Variants in DIS3L2 observed in about 807,000 individuals in gnomAD.
The protein encoded by DIS3L2 is DIS3 like 3'-5' exoribonuclease 2, also known as DIS3-like exonuclease 2.
A neutral mutation model predicts 97.5 loss-of-function variants in DIS3L2; 34 were observed. The ratio of observed to expected loss-of-function variants is 0.35; its 90% CI spans 0.27 to 0.46. DIS3L2 has a LOEUF of 0.46. Among genes scored for constraint, DIS3L2 ranks in the 20% least tolerant of loss-of-function variants. The pLI is 1.00. For synonymous variants in DIS3L2, 435 were observed against 445.2 expected (o/e 0.98, Z 0.29); for missense variants, 1,038 against 1,146.0 (o/e 0.91, Z 1.36).
chr2:232,259,390 T>C (rs1693658272), intron 12 of DIS3L2, among the ~76,000 whole-genome samples: 1 of 152,084 alleles, frequency 6.6e-6, no homozygotes, highest in South Asian at 2.1e-4. Context: ...GCTGCTGCTT[T>C]GGGCAAGTCT....
chr2:231,979,758 A>G (rs2106176390), intron 1 of DIS3L2, among the ~76,000 whole-genome samples: 1 of 151,822 alleles, frequency 6.6e-6, no homozygotes, highest in Admixed American at 6.6e-5. Context: ...TTGTATTTTT[A>G]GAAGAGATGG....
At chr2:231,968,132 C>G (rs1326273233) in intron 1 of DIS3L2, among the ~76,000 whole-genome samples, 1 of 146,492 alleles carries the variant, frequency 6.8e-6, no homozygotes, top group East Asian at 2.0e-4. Context: ...GAGTCTTGCT[C>G]TGTCACCCAG....
At chr2:232,040,401 G>A (rs1318594753) in intron 5 of DIS3L2, among the ~76,000 whole-genome samples, 1 of 152,112 alleles carries the variant, frequency 6.6e-6, no homozygotes, top group Non-Finnish European at 1.5e-5. Context: ...GGGGACCATG[G>A]CACCCTTTTA....
intron 7 of DIS3L2, 26 bp downstream of exon 7, chr2:232,130,745 G>C (rs776559573): frequency 3.1e-6 from 5 of 1,611,906 alleles, no homozygotes; most frequent in Non-Finnish European, 4.2e-6. Context: ...TTTTCTCCAC[G>C]TGTCCAAATG....
intron 13 of DIS3L2, among the ~76,000 whole-genome samples, chr2:232,298,340 C>A (rs1294992696): frequency 6.6e-6 from 1 of 152,126 alleles, no homozygotes; most frequent in Admixed American, 6.5e-5. Context: ...AATTTCTAAG[C>A]AATGCAGACT....
Position 232,200,348 on chromosome 2 carries a change from A to G in DIS3L2, c.1125-9978A>G, listed in dbSNP as rs372738134. On this transcript the variant is annotated intron_variant, in intron 9 of 20. Coordinates refer to ENST00000325385, the MANE Select transcript of DIS3L2 (RefSeq NM_152383.5). ...TGCTAGCTGAAAGGGCCTGGAGGCA[A>G]TGAGCATATCTTATGCCCCATCCTG... Among the ~76,000 whole-genome samples, 44 of 152,302 alleles carry G rather than the reference A, an allele frequency of 2.9e-4. 1 individual carries two copies. In the South Asian group the frequency reaches 8.5e-3, roughly 29 times the overall value.
chr2:232,212,644 G>A (rs1318817320), intron 10 of DIS3L2, among the ~76,000 whole-genome samples: 1 of 152,182 alleles, frequency 6.6e-6, no homozygotes, highest in Non-Finnish European at 1.5e-5. Flanking sequence ...CAATGGAAAG[G>A]CAAGCAGATG....
intron 13 of DIS3L2, among the ~76,000 whole-genome samples, chr2:232,267,057 T>G (rs1246140980): frequency 6.6e-6 from 1 of 152,168 alleles, no homozygotes; most frequent in Admixed American, 6.5e-5. Context: ...GCCTCAGAAC[T>G]GTAGAGCAAC....
intron 1 of DIS3L2, among the ~76,000 whole-genome samples, chr2:231,984,171 C>T (rs1693343006): frequency 1.3e-5 from 2 of 151,944 alleles, no homozygotes; most frequent in Admixed American, 6.5e-5. Flanking sequence ...TAACAAATAG[C>T]AGGCTTTTCC....
intron 5 of DIS3L2, among the ~76,000 whole-genome samples, chr2:232,078,387 C>CT (rs1246034728): frequency 6.6e-6 from 1 of 151,996 alleles, no homozygotes; most frequent in East Asian, 1.9e-4. Context: ...TTCCCCCCCG[C>CT]CCCGCTCCCC....
chr2:232,074,410 CAGA>C (rs2106290642), intron 5 of DIS3L2, among the ~76,000 whole-genome samples: 1 of 152,042 alleles, frequency 6.6e-6, no homozygotes, highest in African/African-American at 2.4e-5. Context: ...TCATTCTCTT[CAGA>C]AGAAGAGAAA....
chr2:232,336,510 A>AGAGT lies in DIS3L2; in HGVS notation c.2539_2542dup (p.Ser848Ter). 1 of 1,611,368 alleles carries AGAGT rather than the reference A, an allele frequency of 6.2e-7. No homozygotes were observed. The highest frequency in any genetic ancestry group is 1.1e-5 in the South Asian group (1 of 90,982). ...GCCTGGTGGAGGTGGTCCTGCAGGC[A>AGAGT]GAGTCCACAGCCCTCAAGTACAGCG... On this transcript the variant is annotated frameshift_variant, in exon 21 of 21. Transcript: ENST00000325385. LOFTEE classifies it low-confidence loss of function (END_TRUNC).
chr2:232,296,241 C>T (rs1210718242), intron 13 of DIS3L2, among the ~76,000 whole-genome samples: 1 of 152,232 alleles, frequency 6.6e-6, no homozygotes, highest in Non-Finnish European at 1.5e-5. Flanking sequence ...CTGACTTTAT[C>T]TCCAGACCAT....
At chr2:232,275,090 T>G (rs780314183) in intron 13 of DIS3L2, among the ~76,000 whole-genome samples, 1 of 152,118 alleles carries the variant, frequency 6.6e-6, no homozygotes, top group Admixed American at 6.6e-5. Flanking sequence ...CTGTAGAGTC[T>G]GGGCCTCCAT....
At chr2:232,306,878 G>A (rs962631004) in intron 14 of DIS3L2, among the ~76,000 whole-genome samples, 1 of 152,246 alleles carries the variant, frequency 6.6e-6, no homozygotes, top group Non-Finnish European at 1.5e-5. Flanking sequence ...GTCTGTACCA[G>A]ATTACCTCAC....
At chr2:232,258,282 G>T (rs1389508399) in intron 12 of DIS3L2, among the ~76,000 whole-genome samples, 1 of 152,106 alleles carries the variant, frequency 6.6e-6, no homozygotes, top group East Asian at 1.9e-4. Flanking sequence ...CCCAAATCCT[G>T]TGATTAAGAA....
intron 11 of DIS3L2, among the ~76,000 whole-genome samples, 171 bp downstream of exon 11, chr2:232,238,816 C>T (rs1574965186): frequency 6.6e-6 from 1 of 152,268 alleles, no homozygotes. Flanking sequence ...AAGTAACTGA[C>T]AGATACTCAG....
intron 1 of DIS3L2, among the ~76,000 whole-genome samples, chr2:232,006,570 G>A (rs915694196): frequency 1.3e-5 from 2 of 152,230 alleles, no homozygotes; most frequent in African/African-American, 2.4e-5. Context: ...GGCATTCAAA[G>A]TGCTTGCCGG....
chr2:232,220,354 A>G (rs1692462724), intron 10 of DIS3L2, among the ~76,000 whole-genome samples: 1 of 151,876 alleles, frequency 6.6e-6, no homozygotes, highest in Admixed American at 6.6e-5. Context: ...AAATAAATAA[A>G]TAAACAAACA....
Sources: gnomAD v4.1 joint callset for allele counts (sites outside exome capture counted in the v4.1 genomes callset) on GRCh38, gnomAD v4.1.1 for gene constraint, MANE v1.5 for transcripts, NCBI Gene and HGNC (gene_info 2026-07-23, HGNC 2026-07-21) for gene names.